DLC1: variants seen among roughly 807,000 people sequenced by gnomAD.
DLC1 encodes the protein rho GTPase-activating protein 7.
DLC1 carries 54 observed loss-of-function variants against 140.3 expected under a neutral mutation model. The observed-to-expected ratio is 0.38, with a 90% confidence interval of 0.31 to 0.48. The LOEUF is 0.48. Ranked by LOEUF, DLC1 falls within the 20% of genes least tolerant of loss-of-function variation. DLC1 has a pLI of 0.96. For missense variants in DLC1, 2,536 were observed against 1,907.0 expected, an observed-to-expected ratio of 1.33 and a Z score of -6.14; for synonymous variants, 986 against 728.1, an observed-to-expected ratio of 1.35 and a Z score of -5.70.
intron 4 of DLC1, among the ~76,000 whole-genome samples, chr8:13,361,921 A>C (rs1263218646): frequency 6.6e-6 from 1 of 152,236 alleles, no homozygotes; most frequent in Non-Finnish European, 1.5e-5. Context: ...ATGCTAGGCC[A>C]AGCTGAGACA....
At chr8:13,455,341 C>T (rs1337588956) in intron 2 of DLC1, among the ~76,000 whole-genome samples, 4 of 152,142 alleles carry the variant, frequency 2.6e-5, no homozygotes, top group African/African-American at 4.8e-5. Context: ...TTGTACACTT[C>T]CTCTCCTCAA....
intron 5 of DLC1, among the ~76,000 whole-genome samples, chr8:13,224,750 G>A (rs1828710703): frequency 2.0e-5 from 3 of 152,154 alleles, no homozygotes; most frequent in African/African-American, 7.2e-5. Context: ...GGCTAGATAT[G>A]GACAGTGTCT....
At chr8:13,466,196 G>C (rs547830729) in intron 2 of DLC1, among the ~76,000 whole-genome samples, 2 of 152,092 alleles carry the variant, frequency 1.3e-5, no homozygotes, top group Non-Finnish European at 2.9e-5. Context: ...AACACCCCGG[G>C]CCCCAATAAA....
chr8:13,276,398 C>G (rs761230010), intron 5 of DLC1: 122 of 1,484,574 alleles, frequency 8.2e-5, no homozygotes, highest in Non-Finnish European at 2.4e-5. Context: ...TGGGGTCCCC[C>G]ATCCGCTCGC....
intron 5 of DLC1, among the ~76,000 whole-genome samples, chr8:13,208,370 T>C (rs1827773524): frequency 6.6e-6 from 1 of 152,192 alleles, no homozygotes; most frequent in Non-Finnish European, 1.5e-5. Context: ...AGATTTTTGT[T>C]ATCAGGCTCC....
chr8:13,099,218 C>A, intron 9 of DLC1, 129 bp downstream of exon 9: 3 of 1,460,652 alleles, frequency 2.1e-6, no homozygotes, highest in Non-Finnish European at 2.7e-6. Flanking sequence ...CCTGGTTTGA[C>A]ACCTTCCTTA....
upstream of DLC1, among the ~76,000 whole-genome samples, chr8:13,518,523 A>G (rs150730919): frequency 3.0e-4 from 46 of 152,366 alleles, no homozygotes; most frequent in African/African-American, 8.2e-4. Context: ...ACTTCTGTAC[A>G]GAATTATTCA....
intron 2 of DLC1, among the ~76,000 whole-genome samples, chr8:13,410,270 G>A (rs1428394121): frequency 6.6e-6 from 1 of 152,094 alleles, no homozygotes; most frequent in Non-Finnish European, 1.5e-5. Context: ...CTTAAAGCAA[G>A]CATTGAGGAT....
At chr8:13,345,783 T>C (rs1834308256) in intron 4 of DLC1, among the ~76,000 whole-genome samples, 1 of 151,976 alleles carries the variant, frequency 6.6e-6, no homozygotes, top group African/African-American at 2.4e-5. Context: ...GGTCTCAAAC[T>C]CCTGACCTGA....
Position 13,099,647 on chromosome 8 carries a change from A to T in DLC1, c.2690T>A (p.Leu897Gln). 6.2e-7 allele frequency: 1 copy of T among 1,614,180 alleles called. No individual in the cohort carries two copies. Among genetic ancestry groups the T allele is most frequent in the Non-Finnish European group, 8.5e-7 (1 of 1,180,024 alleles). The change falls in exon 9 of 18, where the codon CTG (leucine) becomes CAG (glutamine). Residue 897 changes from leucine to glutamine, a missense_variant. Leu to Gln is a moderately radical substitution (Grantham distance 113). Transcript: ENST00000276297. Reference sequence around the variant, plus strand: ...CTCGGGGAAGATGTCCTCGTTCTCCAGATCCGCCAGGTCCCCTGAACTGGA... The same window carrying T: ...CTCGGGGAAGATGTCCTCGTTCTCCTGATCCGCCAGGTCCCCTGAACTGGA... Reference protein sequence around the residue: ...LYSSSGDLADLENEDIFPELD... With the variant: ...LYSSSGDLADQENEDIFPELD...
At chr8:13,596,531 C>G (rs762688708) in intron 1 of DLC1, among the ~76,000 whole-genome samples, 1 of 151,966 alleles carries the variant, frequency 6.6e-6, no homozygotes, top group Non-Finnish European at 1.5e-5. Flanking sequence ...AGTTCTTTAA[C>G]TCTTTAAGAA....
intron 2 of DLC1, among the ~76,000 whole-genome samples, chr8:13,414,045 C>CA (rs926020994): frequency 6.6e-6 from 1 of 151,980 alleles, no homozygotes; most frequent in Admixed American, 6.6e-5. Flanking sequence ...AACAAAAACA[C>CA]AAAAAAATTA....
chr8:13,470,095 A>ATTAC (rs1800139515), intron 2 of DLC1, among the ~76,000 whole-genome samples: 2 of 152,134 alleles, frequency 1.3e-5, no homozygotes, highest in Non-Finnish European at 2.9e-5. Flanking sequence ...TTGGTGAACC[A>ATTAC]TTACTTCCTC....
intron 4 of DLC1, among the ~76,000 whole-genome samples, chr8:13,317,889 A>G (rs1304431038): frequency 1.3e-5 from 2 of 152,158 alleles, no homozygotes; most frequent in Non-Finnish European, 2.9e-5. Flanking sequence ...AGGAAAAGTG[A>G]TGGTAAGTTG....
At chr8:13,452,180 AAAAT>A (rs1378490360) in intron 2 of DLC1, among the ~76,000 whole-genome samples, 7 of 150,634 alleles carry the variant, frequency 4.6e-5, no homozygotes, top group African/African-American at 7.3e-5. Context: ...TTTAATAATT[AAAAT>A]AAATAAAAAT....
chr8:13,427,160 C>G (rs991654961), intron 2 of DLC1, among the ~76,000 whole-genome samples: 1 of 152,160 alleles, frequency 6.6e-6, no homozygotes, highest in Non-Finnish European at 1.5e-5. Context: ...TCCCTGCCTA[C>G]TCAATTCCAT....
At chr8:13,602,372 C>T (rs1370835837) in intron 1 of DLC1, among the ~76,000 whole-genome samples, 1 of 151,668 alleles carries the variant, frequency 6.6e-6, no homozygotes, top group African/African-American at 2.4e-5. Flanking sequence ...AGATGGTTAT[C>T]CACTTACTAT....
At chr8:13,264,087 G>T (rs201685498) in intron 5 of DLC1, among the ~76,000 whole-genome samples, 5 of 29,178 alleles carry the variant, frequency 1.7e-4, no homozygotes, top group Admixed American at 6.0e-4. Flanking sequence ...TTTATTTATT[G>T]AGACAGAGTC....
intron 5 of DLC1, among the ~76,000 whole-genome samples, chr8:13,201,199 A>T (rs1239057506): frequency 6.6e-6 from 1 of 152,138 alleles, no homozygotes; most frequent in Non-Finnish European, 1.5e-5. Context: ...AGGTTTTGGG[A>T]ATCTTTCAGA....
Sources: allele counts gnomAD v4.1 joint callset (sites outside exome capture counted in the v4.1 genomes callset), GRCh38; gene constraint gnomAD v4.1.1; transcripts MANE v1.5; gene names NCBI Gene and HGNC (gene_info 2026-07-23, HGNC 2026-07-21).